PCDHGA1: variants seen among roughly 807,000 people sequenced by gnomAD.
PCDHGA1 encodes protocadherin gamma subfamily A, 1.
In PCDHGA1, 32 loss-of-function variants were observed where a neutral mutation model predicts 58.0. The observed-to-expected ratio is 0.55, with a 90% confidence interval of 0.42 to 0.74. The LOEUF (loss-of-function observed/expected upper bound fraction) is 0.74, where lower values mean the gene tolerates loss of function less well. PCDHGA1 is among the 30% of genes least tolerant of loss of function. PCDHGA1 has a pLI of 0.00. For missense variants in PCDHGA1, 1,205 were observed against 1,182.3 expected (o/e 1.02, Z -0.28); for synonymous variants, 498 against 501.1 (o/e 0.99, Z 0.08).
At chr5:141,392,899 G>A in intron 1 of PCDHGA1, 1 of 1,613,820 alleles carries the variant, frequency 6.2e-7, no homozygotes, top group Admixed American at 1.7e-5. Flanking sequence ...ATCGGGAGGG[G>A]ACAGATTCGC....
intron 3 of PCDHGA1, among the ~76,000 whole-genome samples, chr5:141,508,658 A>G (rs1420910010): frequency 2.0e-5 from 3 of 152,086 alleles, no homozygotes; most frequent in African/African-American, 4.8e-5. Flanking sequence ...CCTTCCTGTC[A>G]TTCTGTCTCT....
At position 141,357,544 on chromosome 5, in the gene PCDHGA1, C is replaced by T. The variant is rs775530187; in HGVS notation, c.2421+24439C>T. 5 of 1,614,176 alleles carry T rather than the reference C, an allele frequency of 3.1e-6. No homozygotes were observed. In the South Asian group the frequency reaches 3.3e-5, roughly 11 times the overall value. ...CAGCTATGCAGACACGCTCATCAGC[C>T]GGGAGAGTTGTGAGAAAAGCGAGCC... On this transcript the variant is annotated intron_variant, in intron 1 of 3. Coordinates refer to ENST00000517417, the MANE Select transcript of PCDHGA1 (RefSeq NM_018912.3).
chr5:141,426,879 G>T, intron 1 of PCDHGA1: 1 of 456,710 alleles, frequency 2.2e-6, no homozygotes. Flanking sequence ...GAAGCCCCTG[G>T]GCCAGGAGCA....
intron 1 of PCDHGA1, among the ~76,000 whole-genome samples, chr5:141,382,367 C>A (rs778668401): frequency 2.6e-5 from 4 of 151,894 alleles, no homozygotes; most frequent in Non-Finnish European, 5.9e-5. Context: ...TAAAATTTAC[C>A]TTTTTGCCTT....
chr5:141,454,625 C>G (rs1193628253), intron 1 of PCDHGA1, among the ~76,000 whole-genome samples: 1 of 151,512 alleles, frequency 6.6e-6, no homozygotes, highest in Admixed American at 6.6e-5. Context: ...AGGCTGGTCT[C>G]GAACCCCCAA....
intron 1 of PCDHGA1, chr5:141,409,139 GA>G: frequency 1.9e-6 from 3 of 1,614,012 alleles, no homozygotes; most frequent in Non-Finnish European, 2.5e-6. Context: ...TGAAGATGTA[GA>G]AAGGTACACC....
Position 141,431,954 on chromosome 5 carries a change from G to T in PCDHGA1, c.2422-62853G>T. On this transcript the variant is annotated intron_variant, in intron 1 of 3. Coordinates refer to ENST00000517417, the MANE Select transcript of PCDHGA1 (RefSeq NM_018912.3). The surrounding 1 kb of genome is among the most constrained non-coding windows in gnomAD (Gnocchi z 4.8). Reference sequence around the variant, plus strand: ...GCCCTTTAAATTAGAAAAATCTTACGGAAATTACTATAGTTTAGTCACAGA... The same window carrying T: ...GCCCTTTAAATTAGAAAAATCTTACTGAAATTACTATAGTTTAGTCACAGA... The T allele has an allele frequency of 6.2e-7, 1 of 1,614,110 alleles. No homozygotes were observed. Among genetic ancestry groups the T allele is most frequent in the Non-Finnish European group, 8.5e-7 (1 of 1,180,010 alleles).
In PCDHGA1 at chr5:141,477,794, C is replaced by A. The variant is rs148942362; in HGVS notation, c.2422-17013C>A. On this transcript the variant is annotated intron_variant, in intron 1 of 3. Coordinates refer to ENST00000517417, the MANE Select transcript of PCDHGA1 (RefSeq NM_018912.3). This position sits in a 1 kb window ranked among gnomAD's most constrained non-coding sequence, Gnocchi z 4.9. ...CAGCGTGAACATATTTGTCACTGAT[C>A]GCAATGACAATGCCCCCCAGGTCCT... The A allele has an allele frequency of 5.6e-6, 9 of 1,614,086 alleles. No individual in the cohort carries two copies. Among genetic ancestry groups the A allele is most frequent in the Non-Finnish European group, 7.6e-6 (9 of 1,180,030 alleles).
At chr5:141,361,191 A>G (rs758042859) in intron 1 of PCDHGA1, 21 of 1,613,874 alleles carry the variant, frequency 1.3e-5, no homozygotes, top group Non-Finnish European at 1.8e-5. Context: ...TGACTTCAGT[A>G]TCTACTCCCC....
chr5:141,369,925 G>C (rs376465013), intron 1 of PCDHGA1, among the ~76,000 whole-genome samples: 2 of 152,186 alleles, frequency 1.3e-5, no homozygotes, highest in African/African-American at 2.4e-5. Flanking sequence ...AACTAAAAAC[G>C]TGACGGGATT....
chr5:141,346,394 A>G, intron 1 of PCDHGA1: 2 of 1,614,244 alleles, frequency 1.2e-6, no homozygotes, highest in Non-Finnish European at 8.5e-7. Flanking sequence ...GCTGTGAGAA[A>G]AGCGAGCCTC....
chr5:141,436,383 G>A (rs1374382672), intron 1 of PCDHGA1, among the ~76,000 whole-genome samples: 1 of 152,104 alleles, frequency 6.6e-6, no homozygotes, highest in Admixed American at 6.5e-5. Flanking sequence ...AGCTGAATAG[G>A]CTTTATTAAA....
At chr5:141,458,989 T>C (rs1341538997) in intron 1 of PCDHGA1, among the ~76,000 whole-genome samples, 1 of 152,134 alleles carries the variant, frequency 6.6e-6, no homozygotes, top group Non-Finnish European at 1.5e-5. Flanking sequence ...TGCCTCACCC[T>C]CCCAAAGTGC....
intron 1 of PCDHGA1, chr5:141,430,844 A>C: frequency 6.4e-7 from 1 of 1,571,464 alleles, no homozygotes; most frequent in Non-Finnish European, 8.6e-7. Flanking sequence ...GACCGGATGC[A>C]CCCAGATACG....
At chr5:141,410,039 G>A (rs1413013254) in intron 1 of PCDHGA1, 2 of 1,613,264 alleles carry the variant, frequency 1.2e-6, no homozygotes, top group South Asian at 1.1e-5. Context: ...GCAGGCCAGT[G>A]AGCCCGGACT....
chr5:141,360,365 T>C, intron 1 of PCDHGA1: 1 of 1,613,840 alleles, frequency 6.2e-7, no homozygotes, highest in Non-Finnish European at 8.5e-7. Flanking sequence ...TATTTCACAG[T>C]AAACCCAGAA....
At chr5:141,369,467 G>T (rs1766263105) in intron 1 of PCDHGA1, among the ~76,000 whole-genome samples, 1 of 152,022 alleles carries the variant, frequency 6.6e-6, no homozygotes, top group South Asian at 2.1e-4. Context: ...AGGTGTTCTA[G>T]CCCAGCCTGG....
At chr5:141,402,881 G>T in intron 1 of PCDHGA1, 1 of 1,477,920 alleles carries the variant, frequency 6.8e-7, no homozygotes. Context: ...ATACTTTGCA[G>T]GGTGGAAGAA....
At chr5:141,390,887 T>TGTGA (rs553460991) in intron 1 of PCDHGA1, 1,524 of 151,180 alleles carry the variant, frequency 0.01, 16 homozygotes, top group Non-Finnish European at 0.015. Flanking sequence ...TGTGTGTGTG[T>TGTGA]GAGAGAGATC....
Sources: allele counts gnomAD v4.1 joint callset (sites outside exome capture counted in the v4.1 genomes callset), GRCh38; gene constraint gnomAD v4.1.1; non-coding constraint Gnocchi (gnomAD v3.1); transcripts MANE v1.5; gene names NCBI Gene and HGNC (gene_info 2026-07-23, HGNC 2026-07-21).